GLIS3: variants seen among roughly 807,000 people sequenced by gnomAD.
The protein encoded by GLIS3 is GLIS family zinc finger 3.
In GLIS3, 53 loss-of-function variants were observed where a neutral mutation model predicts 78.6. The observed-to-expected ratio is 0.67, with a 90% CI of 0.54 to 0.85. GLIS3 has a LOEUF of 0.85. GLIS3 is among the 40% of genes least tolerant of loss of function. GLIS3 has a pLI of 0.00. For synonymous variants in GLIS3, 684 were observed against 509.9 expected, an observed-to-expected ratio of 1.34 and a Z score of -4.60; for missense variants, 1,703 against 1,231.1, an observed-to-expected ratio of 1.38 and a Z score of -5.74.
Position 3,891,778 on chromosome 9 carries a change from A to AT in GLIS3, c.2128+6912_2128+6913insA, listed in dbSNP as rs1361240554. Among the ~76,000 whole-genome samples the AT allele has an allele frequency of 5.2e-3, 799 of 152,302 alleles. 6 individuals are homozygous for AT. Among genetic ancestry groups the AT allele is most frequent in the African/African-American group, 0.018 (764 of 41,566 alleles). On this transcript the variant is annotated intron_variant, in intron 7 of 10. Coordinates refer to ENST00000381971, the MANE Select transcript of GLIS3 (RefSeq NM_001042413.2). Reference sequence around the variant, plus strand: ...CTCCGAACTGCCTTAGTCCTCCAGAACTATGAATCCTAGATCATTACTTTC... The same window carrying AT: ...CTCCGAACTGCCTTAGTCCTCCAGAATCTATGAATCCTAGATCATTACTTTC...
intron 2 of GLIS3, among the ~76,000 whole-genome samples, chr9:4,221,022 G>A (rs1821286500): frequency 6.6e-6 from 1 of 152,038 alleles, no homozygotes; most frequent in Non-Finnish European, 1.5e-5. Flanking sequence ...TCTCTGGGTT[G>A]GATCTTAGTG....
intron 2 of GLIS3, among the ~76,000 whole-genome samples, chr9:4,209,246 C>A (rs1430888146): frequency 1.3e-5 from 2 of 152,152 alleles, no homozygotes; most frequent in African/African-American, 4.8e-5. Context: ...CTAGAACCCA[C>A]ACATCCTGAC....
chr9:4,008,267 T>C (rs539930674), intron 4 of GLIS3, among the ~76,000 whole-genome samples: 2 of 152,198 alleles, frequency 1.3e-5, no homozygotes, highest in African/African-American at 2.4e-5. Context: ...CCTAAAATTA[T>C]ATTTGTTTAG....
intron 6 of GLIS3, among the ~76,000 whole-genome samples, chr9:3,907,850 T>G (rs768111499): frequency 1.3e-5 from 2 of 152,206 alleles, no homozygotes; most frequent in Non-Finnish European, 2.9e-5. Flanking sequence ...AATCCTTGGC[T>G]CACAGTGGGC....
At chr9:4,168,796 A>T (rs553378142) in intron 2 of GLIS3, among the ~76,000 whole-genome samples, 22 of 152,174 alleles carry the variant, frequency 1.4e-4, no homozygotes, top group Non-Finnish European at 3.1e-4. Context: ...TGGGATGCCT[A>T]TGGTAAATTA....
chr9:4,484,114 C>G, the GLIS3 span, among the ~76,000 whole-genome samples: 2 of 152,302 alleles, frequency 1.3e-5, no homozygotes, highest in Admixed American at 6.5e-5. Context: ...ACTTGGCCCG[C>G]TGAAATTGCC....
chr9:4,159,774 G>C (rs1325108282), intron 2 of GLIS3, among the ~76,000 whole-genome samples: 3 of 151,992 alleles, frequency 2.0e-5, no homozygotes, highest in African/African-American at 7.3e-5. Context: ...TCTGTGCTTG[G>C]GGGTTGGCCC....
chr9:3,952,216 C>G (rs919154687), intron 4 of GLIS3, among the ~76,000 whole-genome samples: 1 of 152,032 alleles, frequency 6.6e-6, no homozygotes, highest in African/African-American at 2.4e-5. Context: ...AATCATATGG[C>G]CAATAAAATA....
the GLIS3 span, among the ~76,000 whole-genome samples, chr9:4,358,724 GCA>G: frequency 6.6e-6 from 1 of 152,160 alleles, no homozygotes; most frequent in Non-Finnish European, 1.5e-5. Flanking sequence ...GTGTATGTGT[GCA>G]CATATGTGTT....
rs538938171 is a variant in GLIS3, at chr9:3,886,036, C to G, written c.2129-6441G>C. Among the ~76,000 whole-genome samples the G allele has an allele frequency of 8.5e-5, 13 of 152,316 alleles. 1 individual carries two copies. Among genetic ancestry groups the G allele is most frequent in the African/African-American group, 3.1e-4 (13 of 41,572 alleles). ...ACTGAGCATATGCCTGAACGCCAGTCAAGTGCTCAAGAAACCACTGTTGCT... is the reference window on the plus strand; with the variant it reads ...ACTGAGCATATGCCTGAACGCCAGTGAAGTGCTCAAGAAACCACTGTTGCT... On this transcript the variant is annotated intron_variant, in intron 7 of 10. Coordinates refer to ENST00000381971, the MANE Select transcript of GLIS3 (RefSeq NM_001042413.2).
intron 1 of GLIS3, among the ~76,000 whole-genome samples, chr9:4,347,859 T>TG (rs950729774): frequency 1.3e-5 from 2 of 152,206 alleles, no homozygotes; most frequent in African/African-American, 4.8e-5. Flanking sequence ...TTTAGCCTTT[T>TG]GACTGTGGCT....
rs142973064 is a variant in GLIS3 at position 4,089,416 on chromosome 9, A to C, written c.1710+28352T>G. Among the ~76,000 whole-genome samples, 57 of 152,330 alleles carry C rather than the reference A, an allele frequency of 3.7e-4. 1 individual carries two copies. Among genetic ancestry groups the C allele is most frequent in the Non-Finnish European group, 2.9e-5 (2 of 68,038 alleles). Reference sequence around the variant, plus strand: ...TGTGTATGTTAATAAAAAACTGTGTATTTACATACACGACCTTACAAATTC... The same window carrying C: ...TGTGTATGTTAATAAAAAACTGTGTCTTTACATACACGACCTTACAAATTC... On this transcript the variant is annotated intron_variant, in intron 4 of 10. Coordinates refer to ENST00000381971, the MANE Select transcript of GLIS3 (RefSeq NM_001042413.2).
At chr9:4,404,102 G>C in the GLIS3 span, among the ~76,000 whole-genome samples, 2 of 152,100 alleles carry the variant, frequency 1.3e-5, no homozygotes, top group Non-Finnish European at 2.9e-5. Flanking sequence ...TAGATTTCAA[G>C]ACAAAAACTG....
intron 4 of GLIS3, among the ~76,000 whole-genome samples, chr9:4,104,148 G>A (rs915038891): frequency 2.6e-5 from 4 of 152,076 alleles, no homozygotes; most frequent in Non-Finnish European, 4.4e-5. Flanking sequence ...AATGGCATCA[G>A]TCTAGACTTC....
chr9:4,231,674 C>T (rs1211952930), intron 2 of GLIS3, among the ~76,000 whole-genome samples: 1 of 152,162 alleles, frequency 6.6e-6, no homozygotes, highest in Non-Finnish European at 1.5e-5. Context: ...ATGTAAAAAT[C>T]TTCAAAGTTC....
intron 2 of GLIS3, among the ~76,000 whole-genome samples, chr9:4,311,266 G>T (rs190008133): frequency 2.0e-5 from 3 of 152,132 alleles, no homozygotes; most frequent in Admixed American, 2.0e-4. Flanking sequence ...AAAATTATCC[G>T]GGCGTGGTGG....
intron 2 of GLIS3, among the ~76,000 whole-genome samples, chr9:4,319,482 A>G (rs1817489021): frequency 6.6e-6 from 1 of 152,210 alleles, no homozygotes; most frequent in Non-Finnish European, 1.5e-5. Flanking sequence ...ACATTTTTAA[A>G]TGTTTTAAAA....
intron 2 of GLIS3, among the ~76,000 whole-genome samples, chr9:4,249,728 C>A (rs1171206559): frequency 2.0e-5 from 3 of 152,156 alleles, no homozygotes; most frequent in Non-Finnish European, 4.4e-5. Flanking sequence ...CAGCTTTTGC[C>A]CATTCAGTAT....
Position 3,960,643 on chromosome 9 carries a change from G to A in GLIS3, c.1711-23454C>T, listed in dbSNP as rs114334274. 8.3e-3 allele frequency among the ~76,000 whole-genome samples: 1,261 copies of A among 152,224 alleles called. 23 individuals carry two copies. Among genetic ancestry groups the A allele is most frequent in the African/African-American group, 0.029 (1,202 of 41,522 alleles). On this transcript the variant is annotated intron_variant, in intron 4 of 10. Coordinates refer to ENST00000381971, the MANE Select transcript of GLIS3 (RefSeq NM_001042413.2). ...TTGTGTTTTGGTGGACCGATAATTG[G>A]TAATTATTTATTTTTCATGTACTCA...
Sources: allele counts gnomAD v4.1 joint callset (sites outside exome capture counted in the v4.1 genomes callset), GRCh38; gene constraint gnomAD v4.1.1; transcripts MANE v1.5; gene names NCBI Gene and HGNC (gene_info 2026-07-23, HGNC 2026-07-21).